Variants in DRC8 observed in about 807,000 individuals in gnomAD.
The protein encoded by DRC8 is dynein regulatory complex protein 8.
the DRC8 span, among the ~76,000 whole-genome samples, chr1:245,039,654 C>T: frequency 1.1e-3 from 174 of 152,238 alleles, 1 homozygote; most frequent in African/African-American, 3.1e-3. Flanking sequence ...CCGTGCAGAA[C>T]GCTGTCCTGC....
the DRC8 span, chr1:245,043,989 C>G: frequency 6.6e-6 from 1 of 152,162 alleles, no homozygotes; most frequent in Non-Finnish European, 1.5e-5. Flanking sequence ...AGCGTGGCAC[C>G]TACACAGGCT....
chr1:244,970,771 G>A, the DRC8 span: 2 of 377,026 alleles, frequency 5.3e-6, no homozygotes, highest in Non-Finnish European at 9.2e-6. Flanking sequence ...CCCTCCTCCC[G>A]CCCCGTCCTC....
At chr1:245,082,612 A>G in the DRC8 span, among the ~76,000 whole-genome samples, 1 of 152,226 alleles carries the variant, frequency 6.6e-6, no homozygotes, top group Non-Finnish European at 1.5e-5. Flanking sequence ...GGGCTGAGGT[A>G]TTTTCAACTT....
the DRC8 span, chr1:244,970,430 G>A: frequency 2.6e-6 from 4 of 1,535,178 alleles, no homozygotes; most frequent in Middle Eastern, 1.7e-4. Context: ...TGGCGGACGA[G>A]AAGGACAGGG....
chr1:245,059,794 T>G, the DRC8 span, among the ~76,000 whole-genome samples: 2 of 152,212 alleles, frequency 1.3e-5, no homozygotes, highest in Non-Finnish European at 2.9e-5. Context: ...CAGTAAGGAA[T>G]TTTTATTTAT....
chr1:245,084,555 A>T, the DRC8 span, among the ~76,000 whole-genome samples: 1 of 152,132 alleles, frequency 6.6e-6, no homozygotes, highest in Non-Finnish European at 1.5e-5. Context: ...ATGCCAACAT[A>T]TTTCCTTTAG....
the DRC8 span, among the ~76,000 whole-genome samples, chr1:245,080,861 G>T: frequency 2.6e-5 from 4 of 152,130 alleles, no homozygotes; most frequent in African/African-American, 9.7e-5. Context: ...AGAAGGCCCT[G>T]CCGTCGGGCC....
the DRC8 span, chr1:245,002,132 C>A: frequency 6.2e-7 from 1 of 1,604,276 alleles, no homozygotes. Flanking sequence ...GCCTGGGATA[C>A]AACAGTGATG....
chr1:245,112,023 G>A, the DRC8 span, among the ~76,000 whole-genome samples: 410 of 152,334 alleles, frequency 2.7e-3, 1 homozygote, highest in Middle Eastern at 0.01. Context: ...GACAGAGCAA[G>A]ATCCTGTCTC....
the DRC8 span, among the ~76,000 whole-genome samples, chr1:245,104,153 C>G: frequency 1.3e-5 from 2 of 152,152 alleles, no homozygotes; most frequent in Non-Finnish European, 2.9e-5. Flanking sequence ...AGACACTGAT[C>G]ACCAGCATAG....
chr1:245,109,326 TAG>T, the DRC8 span, among the ~76,000 whole-genome samples: 2 of 152,158 alleles, frequency 1.3e-5, no homozygotes, highest in African/African-American at 4.8e-5. Flanking sequence ...CTCAAAGGGC[TAG>T]AGAGGGGCAC....
chr1:245,074,314 G>A, the DRC8 span, among the ~76,000 whole-genome samples: 1 of 152,160 alleles, frequency 6.6e-6, no homozygotes, highest in African/African-American at 2.4e-5. Flanking sequence ...ATCTTAGTGA[G>A]ATGATTGCTG....
chr1:244,980,702 G>GTTGAGT, the DRC8 span, among the ~76,000 whole-genome samples: 1 of 152,226 alleles, frequency 6.6e-6, no homozygotes, highest in Non-Finnish European at 1.5e-5. Context: ...TCTTGCACAT[G>GTTGAGT]TTGAGTTTGG....
the DRC8 span, among the ~76,000 whole-genome samples, chr1:245,014,339 T>C: frequency 1.3e-5 from 2 of 152,132 alleles, no homozygotes; most frequent in Non-Finnish European, 2.9e-5. Context: ...AGAACATGAA[T>C]AGACAATTCA....
At chr1:245,046,271 C>CT in the DRC8 span, among the ~76,000 whole-genome samples, 7 of 152,068 alleles carry the variant, frequency 4.6e-5, no homozygotes. Context: ...CTGTAACTTT[C>CT]TTTTCACTTA....
chr1:245,115,890 T>C, the DRC8 span, among the ~76,000 whole-genome samples: 273 of 30,980 alleles, frequency 8.8e-3, 3 homozygotes, highest in South Asian at 0.24. Context: ...CCTATCTCTT[T>C]TTTTTTTTTT....
the DRC8 span, among the ~76,000 whole-genome samples, chr1:245,033,174 A>G: frequency 6.6e-6 from 1 of 152,198 alleles, no homozygotes; most frequent in Non-Finnish European, 1.5e-5. Context: ...CTCCAACCCA[A>G]CTGGACCTGG....
At chr1:244,999,224 C>G in the DRC8 span, among the ~76,000 whole-genome samples, 1 of 150,912 alleles carries the variant, frequency 6.6e-6, no homozygotes, top group African/African-American at 2.4e-5. Flanking sequence ...CTTTAAGCCT[C>G]CTGAAAAAAA....
the DRC8 span, among the ~76,000 whole-genome samples, chr1:245,010,684 T>TTTC: frequency 6.8e-6 from 1 of 147,510 alleles, no homozygotes; most frequent in African/African-American, 2.5e-5. Context: ...TTTCTTTCTT[T>TTTC]TTTTTTTTTT....
Sources: allele counts gnomAD v4.1 joint callset (sites outside exome capture counted in the v4.1 genomes callset), GRCh38; gene constraint gnomAD v4.1.1; transcripts MANE v1.5; gene names NCBI Gene and HGNC (gene_info 2026-07-23, HGNC 2026-07-21).